The following SAP130 variants were observed in gnomAD, a reference collection of about 807,000 sequenced individuals.
The protein encoded by SAP130 is histone deacetylase complex subunit SAP130.
In SAP130, 16 loss-of-function variants were observed where a neutral mutation model predicts 103.2. That is an observed-to-expected ratio of 0.16 (90% CI 0.10 to 0.24). The LOEUF (loss-of-function observed/expected upper bound fraction) is 0.24, where lower values mean the gene tolerates loss of function less well. Ranked by LOEUF, SAP130 falls within the 10% of genes least tolerant of loss-of-function variation. The pLI is 1.00. For missense variants in SAP130, 990 were observed against 1,359.7 expected, an observed-to-expected ratio of 0.73 and a Z score of 4.28; for synonymous variants, 477 against 497.0, an observed-to-expected ratio of 0.96 and a Z score of 0.53.
At chr2:128,026,844 AG>A (rs1685530264) in intron 1 of SAP130, among the ~76,000 whole-genome samples, 1 of 152,190 alleles carries the variant, frequency 6.6e-6, no homozygotes, top group Admixed American at 6.5e-5. Context: ...TCTCTTCCAC[AG>A]ATCCCCTCAC....
Position 127,978,145 on chromosome 2 carries a change from A to T in SAP130, c.1959-56T>A, listed in dbSNP as rs1681608058. 1.0e-5 allele frequency: 13 copies of T among 1,301,298 alleles called. No individual in the cohort carries two copies. The Middle Eastern group carries it at 2.4e-3, about 243-fold the overall frequency. 80.6% of individuals were successfully genotyped at this position (1,301,298 alleles called of 1,614,324 possible). Reference sequence around the variant, plus strand: ...CAGCAGTCCAAGGGCATTCAAGGCTAAGAAATACAGGATGCACATTTGCCA... The same window carrying T: ...CAGCAGTCCAAGGGCATTCAAGGCTTAGAAATACAGGATGCACATTTGCCA... On this transcript the variant is annotated intron_variant, in intron 14 of 20. Coordinates refer to ENST00000643581, the MANE Select transcript of SAP130 (RefSeq NM_001330301.2).
At chr2:127,969,436 T>C (rs982238213) in intron 15 of SAP130, among the ~76,000 whole-genome samples, 1 of 152,184 alleles carries the variant, frequency 6.6e-6, no homozygotes, top group Non-Finnish European at 1.5e-5. Flanking sequence ...TGAATCACTT[T>C]GTGTTTGGCC....
At chr2:127,961,011 A>C (rs1036064369) in intron 15 of SAP130, among the ~76,000 whole-genome samples, 5 of 135,446 alleles carry the variant, frequency 3.7e-5, no homozygotes, top group Non-Finnish European at 7.8e-5. Context: ...TTTTTTTTTG[A>C]GACAGGGTCT....
At chr2:127,946,666 TGA>T (rs1679097034) in intron 18 of SAP130, among the ~76,000 whole-genome samples, 1 of 151,696 alleles carries the variant, frequency 6.6e-6, no homozygotes, top group Non-Finnish European at 1.5e-5. Flanking sequence ...GTGGATCACT[TGA>T]GGTCAGGAGT....
At chr2:128,025,002 G>GTA (rs1685408845) in intron 2 of SAP130, among the ~76,000 whole-genome samples, 1 of 39,982 alleles carries the variant, frequency 2.5e-5, no homozygotes, top group African/African-American at 3.0e-4. Flanking sequence ...ACCCTATTGC[G>GTA]CAAAAAAAAA....
chr2:128,020,980 ACT>A (rs1049016691), intron 2 of SAP130, among the ~76,000 whole-genome samples: 24 of 152,014 alleles, frequency 1.6e-4, no homozygotes, highest in South Asian at 6.2e-4. Flanking sequence ...ACGAAGCAAG[ACT>A]CTGTCTCAAA....
chr2:128,009,272 C>T (rs1684212013), intron 7 of SAP130, among the ~76,000 whole-genome samples: 1 of 152,054 alleles, frequency 6.6e-6, no homozygotes. Flanking sequence ...GAGTTCACGA[C>T]CAACCTGGGC....
intron 7 of SAP130, among the ~76,000 whole-genome samples, chr2:128,006,219 G>A (rs1573810121): frequency 6.6e-6 from 1 of 151,992 alleles, no homozygotes; most frequent in East Asian, 1.9e-4. Flanking sequence ...AAGTATAAAT[G>A]GGAAATGATT....
Position 127,942,298 on chromosome 2 carries a change from T to C in SAP130, c.3015+126A>G, listed in dbSNP as rs932628989. 4 of 1,101,314 alleles carry C rather than the reference T, an allele frequency of 3.6e-6. No individual in the cohort carries two copies. In the African/African-American group the frequency reaches 4.7e-5, roughly 13 times the overall value. The allele number at this position is 1,101,314 out of a possible 1,614,324, so 68.2% of individuals were successfully genotyped here. On this transcript the variant is annotated intron_variant, in intron 20 of 20. Coordinates refer to ENST00000643581, the MANE Select transcript of SAP130 (RefSeq NM_001330301.2). The surrounding 1 kb of genome is among the most constrained non-coding windows in gnomAD (Gnocchi z 4.8). ...AAAATGTCTTTTTGTTTCTCAGGAG[T>C]GCAGGCTGAAGCACGTATGTTTTTA... is the stretch of plus-strand genomic sequence containing the variant.
chr2:127,955,564 G>A lies in SAP130; in HGVS notation c.2064-220C>T, dbSNP rs1047401858. The stretch of plus-strand genomic sequence containing the variant: ...TGAAGTGGCGTGATCTTGGCTCACC[G>A]CAACCTCTGTCTTCTGGGCTCGAGG... On this transcript the variant is annotated intron_variant, in intron 15 of 20. Transcript: ENST00000643581. The surrounding 1 kb of genome is among the most constrained non-coding windows in gnomAD (Gnocchi z 4.9). Among the ~76,000 whole-genome samples, 12 of 152,142 alleles carry A rather than the reference G, an allele frequency of 7.9e-5. No homozygotes were observed. Among genetic ancestry groups the A allele is most frequent in the African/African-American group, 2.2e-4 (9 of 41,518 alleles).
intron 15 of SAP130, 40 bp downstream of exon 15, chr2:127,977,945 T>TGG (rs1681587389): frequency 7.1e-7 from 1 of 1,401,948 alleles, no homozygotes; most frequent in Admixed American, 2.0e-5. Context: ...CAACGATGTG[T>TGG]GGGTAAAAGC....
intron 19 of SAP130, among the ~76,000 whole-genome samples, chr2:127,943,857 A>G (rs1286660728): frequency 4.6e-5 from 7 of 152,214 alleles, no homozygotes; most frequent in Non-Finnish European, 1.0e-4. Context: ...TCTTTCTTCA[A>G]TAACAAATTA....
At chr2:128,012,825 C>T (rs936589990) in intron 6 of SAP130, among the ~76,000 whole-genome samples, 3 of 151,504 alleles carry the variant, frequency 2.0e-5, no homozygotes, top group African/African-American at 2.4e-5. Flanking sequence ...TCTGATTCCT[C>T]GTTAGCACAG....
At chr2:127,998,885 C>G (rs180845820) in intron 10 of SAP130, among the ~76,000 whole-genome samples, 1 of 152,332 alleles carries the variant, frequency 6.6e-6, no homozygotes, top group Admixed American at 6.5e-5. Flanking sequence ...GGGCTTGGCT[C>G]TGCCGTGATA....
chr2:128,026,476 A>C (rs2105272144), intron 1 of SAP130, among the ~76,000 whole-genome samples, 178 bp from the exon 2 acceptor site: 1 of 152,368 alleles, frequency 6.6e-6, no homozygotes, highest in East Asian at 1.9e-4. Flanking sequence ...AAACTACCTA[A>C]GTTTTCTACA....
chr2:127,999,233 A>ATT (rs1441691394), intron 10 of SAP130, among the ~76,000 whole-genome samples: 9 of 152,090 alleles, frequency 5.9e-5, no homozygotes, highest in African/African-American at 2.2e-4. Context: ...ATTCCAGAAA[A>ATT]TGGGCTTCAA....
intron 18 of SAP130, among the ~76,000 whole-genome samples, chr2:127,947,559 T>A (rs764270190): frequency 2.0e-5 from 3 of 152,238 alleles, no homozygotes; most frequent in Non-Finnish European, 4.4e-5. Context: ...AAATTTGGAA[T>A]GTCCTTGCCT....
rs149625415 is a variant in SAP130, at chr2:127,996,430, G to A, written c.1275C>T (p.Ala425=). 912 of 1,609,204 alleles carry A rather than the reference G, an allele frequency of 5.7e-4. No homozygotes were observed. Among genetic ancestry groups the A allele is most frequent in the Non-Finnish European group, 7.3e-4 (860 of 1,177,858 alleles). Reference sequence around the variant, plus strand: ...AGATGGGAATCAGGCTACTCCTCTCGGCAGGGTAGTCTGGCTGGATCCGAG... The same window carrying A: ...AGATGGGAATCAGGCTACTCCTCTCAGCAGGGTAGTCTGGCTGGATCCGAG... ...TSPRIQPDYP[A]ERSSLIPISG... The change falls in exon 11 of 21, where the codon GCC becomes GCT. Residue 425 remains alanine, a synonymous_variant. Coordinates refer to ENST00000643581, the MANE Select transcript of SAP130 (RefSeq NM_001330301.2). The surrounding 1 kb of genome is among the most constrained non-coding windows in gnomAD (Gnocchi z 4.3).
chr2:127,977,026 A>G (rs1573715643), intron 15 of SAP130, among the ~76,000 whole-genome samples: 1 of 152,204 alleles, frequency 6.6e-6, no homozygotes, highest in African/African-American at 2.4e-5. Flanking sequence ...AAAAACAAAC[A>G]AACAAAACCC....
Sources: gnomAD v4.1 joint callset for allele counts (sites outside exome capture counted in the v4.1 genomes callset) on GRCh38, gnomAD v4.1.1 for gene constraint, Gnocchi (gnomAD v3.1) non-coding constraint, MANE v1.5 for transcripts, NCBI Gene and HGNC (gene_info 2026-07-23, HGNC 2026-07-21) for gene names.